Variants in CALML5 observed in about 807,000 individuals in gnomAD.
The protein encoded by CALML5 is calmodulin like 5.
For missense variants in CALML5, 207 were observed against 206.6 expected (o/e 1.00, Z -0.01); for synonymous variants, 101 against 96.8 (o/e 1.04, Z -0.25).
rs756782046 is a variant in CALML5, at chr10:5,499,469, C to T, written c.-31G>A. ...CGTCTCCTGCACCTCGCGGAGCCTCCGAGCTGCTGCCCACCGGCCCTCAAC... is the reference window on the plus strand; with the variant it reads ...CGTCTCCTGCACCTCGCGGAGCCTCTGAGCTGCTGCCCACCGGCCCTCAAC... On this transcript the variant is annotated 5_prime_UTR_variant, in exon 1 of 1. Coordinates refer to ENST00000380332, the MANE Select transcript of CALML5 (RefSeq NM_017422.5). 1.3e-6 allele frequency: 2 copies of T among 1,577,840 alleles called. No individual in the cohort carries two copies. The highest frequency in any genetic ancestry group is 1.4e-5 in the African/African-American group (1 of 73,888).
Position 5,498,997 on chromosome 10 carries a change from C to G in CALML5, c.*1G>C. 1 of 1,536,524 alleles carries G rather than the reference C, an allele frequency of 6.5e-7. No individual in the cohort carries two copies. On this transcript the variant is annotated 3_prime_UTR_variant, in exon 1 of 1. Transcript: ENST00000380332. ...AGCCAGGGGGACACAGGCGGGGAGC[C>G]TCACTCCTGGGCGAGCATCCTCGCG... is the stretch of plus-strand genomic sequence containing the variant.
Position 5,498,909 on chromosome 10 carries a change from G to T in CALML5, c.*89C>A. The T allele has an allele frequency of 1.7e-6, 2 of 1,146,720 alleles. No individual in the cohort carries two copies. Among genetic ancestry groups the T allele is most frequent in the Non-Finnish European group, 2.4e-6 (2 of 834,162 alleles). The allele number at this position is 1,146,720 out of a possible 1,614,324, so 71.0% of individuals were successfully genotyped here. A position where few individuals can be genotyped will look rare whatever the true frequency, so the allele number is the denominator to read the frequency against. On this transcript the variant is annotated 3_prime_UTR_variant, in exon 1 of 1. Transcript: ENST00000380332. ...AGGCAGTTTCCCATCCACCGACCAGGTTTCCCCGGAGAGTCCCAGCACAAA... is the reference window on the plus strand; with the variant it reads ...AGGCAGTTTCCCATCCACCGACCAGTTTTCCCCGGAGAGTCCCAGCACAAA...
chr10:5,498,990 G>A lies in CALML5; in HGVS notation c.*8C>T. On this transcript the variant is annotated 3_prime_UTR_variant, in exon 1 of 1. Transcript: ENST00000380332. ...AGAGCGCAGCCAGGGGGACACAGGC[G>A]GGGAGCCTCACTCCTGGGCGAGCAT... The A allele has an allele frequency of 1.3e-6, 2 of 1,529,140 alleles. No individual in the cohort carries two copies. The highest frequency in any genetic ancestry group is 1.8e-6 in the Non-Finnish European group (2 of 1,138,424). The allele number at this position is 1,529,140 out of a possible 1,614,324, so 94.7% of individuals were successfully genotyped here.
At position 5,499,411 on chromosome 10, in the gene CALML5, C is replaced by G. The variant is rs889927546; in HGVS notation, c.28G>C (p.Glu10Gln). The G allele has an allele frequency of 3.1e-6, 5 of 1,613,804 alleles. No individual in the cohort carries two copies. Among genetic ancestry groups the G allele is most frequent in the Non-Finnish European group, 4.2e-6 (5 of 1,179,822 alleles). The change falls in exon 1 of 1, where the codon GAG (glutamate) becomes CAG (glutamine). Residue 10 changes from glutamate (E) to glutamine (Q), a missense_variant. By Grantham distance (29) the Glu-to-Gln change is conservative. Coordinates refer to ENST00000380332, the MANE Select transcript of CALML5 (RefSeq NM_017422.5). The part of the protein sequence containing the change: MAGELTPEE[E>Q]AQYKKAFSAV... ...GAGAAAGCCTTTTTGTACTGGGCCT[C>G]CTCCTCAGGAGTCAGCTCACCGGCC...
In CALML5 at chr10:5,499,528, G is replaced by C. The variant is rs1353675413; in HGVS notation, c.-90C>G. ...CTCAGAGCTCGTGGTCCAGAGTGCA[G>C]GCAGCCGCAGGGATCCGGGCAGCGT... On this transcript the variant is annotated 5_prime_UTR_variant, in exon 1 of 1. Transcript: ENST00000380332. 5 of 1,106,950 alleles carry C rather than the reference G, an allele frequency of 4.5e-6. No homozygotes were observed. In the East Asian group the frequency reaches 9.6e-5, roughly 21 times the overall value. 68.6% of individuals were successfully genotyped at this position (1,106,950 alleles called of 1,614,324 possible).
rs1564480047 is a variant in CALML5 at position 5,499,171 on chromosome 10, A to C, written c.268T>G (p.Phe90Val). Residue 90 changes from phenylalanine to valine, a missense_variant, in exon 1 of 1, where the codon TTC (phenylalanine) becomes GTC (valine). Physicochemically the swap from Phe to Val is conservative, Grantham distance 50 (BLOSUM62 -1). Coordinates refer to ENST00000380332, the MANE Select transcript of CALML5 (RefSeq NM_017422.5). ...ATGTGGCCGTCGCCATCCTGGTCGAAGGCGCGGAAGGCGACCTGCAGGTCC... is the reference window on the plus strand; with the variant it reads ...ATGTGGCCGTCGCCATCCTGGTCGACGGCGCGGAAGGCGACCTGCAGGTCC... ...LEDLQVAFRA[F>V]DQDGDGHITV... is the part of the protein sequence containing the mutation. 6.2e-7 allele frequency: 1 copy of C among 1,609,212 alleles called. No individual in the cohort carries two copies. Among genetic ancestry groups the C allele is most frequent in the Non-Finnish European group, 8.5e-7 (1 of 1,179,842 alleles).
In CALML5 at chr10:5,499,153, C is replaced by T; in HGVS notation, c.286G>A (p.Gly96Ser). ...CTGAGCTCGTCCACGGTGATGTGGC[C>T]GTCGCCATCCTGGTCGAAGGCGCGG... ...AFRAFDQDGD[G>S]HITVDELRRA... Residue 96 changes from glycine (G) to serine (S), a missense_variant, in exon 1 of 1, where the codon GGC (glycine) becomes AGC (serine). Coordinates refer to ENST00000380332, the MANE Select transcript of CALML5 (RefSeq NM_017422.5). 2 of 1,606,238 alleles carry T rather than the reference C, an allele frequency of 1.2e-6. No homozygotes were observed. Among genetic ancestry groups the T allele is most frequent in the East Asian group, 2.2e-5 (1 of 44,858 alleles).
Position 5,498,896 on chromosome 10 carries a change from A to G in CALML5, c.*102T>C, listed in dbSNP as rs898301998. 2 of 1,049,586 alleles carry G rather than the reference A, an allele frequency of 1.9e-6. No homozygotes were observed. The highest frequency in any genetic ancestry group is 2.7e-6 in the Non-Finnish European group (2 of 748,154). The allele number at this position is 1,049,586 out of a possible 1,614,324, so 65.0% of individuals were successfully genotyped here. On this transcript the variant is annotated 3_prime_UTR_variant, in exon 1 of 1. Transcript: ENST00000380332. ...TCCTCCCAGGGGGAGGCAGTTTCCC[A>G]TCCACCGACCAGGTTTCCCCGGAGA...
chr10:5,499,253 G>C lies in CALML5; in HGVS notation c.186C>G (p.Gly62=). ...TCAGGAACTCCTGGAAGCTGATTTC[G>C]CCGTCGCCGTCGCTGTCAACCTCGG... ...LISEVDSDGD[G]EISFQEFLTA... The change falls in exon 1 of 1, where the codon GGC becomes GGG. Residue 62 remains glycine (G), a synonymous_variant. Coordinates refer to ENST00000380332, the MANE Select transcript of CALML5 (RefSeq NM_017422.5). The C allele has an allele frequency of 6.2e-7, 1 of 1,613,696 alleles. No individual in the cohort carries two copies. Among genetic ancestry groups the C allele is most frequent in the Non-Finnish European group, 8.5e-7 (1 of 1,179,890 alleles).
rs528194668 is a variant in CALML5, at chr10:5,499,433, G to A, written c.6C>T (p.Ala2=). The stretch of plus-strand genomic sequence containing the variant: ...CCTCCTCCTCAGGAGTCAGCTCACC[G>A]GCCATGCCTGCGTCTCCTGCACCTC... The part of the protein sequence containing the change: M[A]GELTPEEEAQ... The change falls in exon 1 of 1, where the codon GCC becomes GCT. Residue 2 remains alanine, a synonymous_variant. Transcript: ENST00000380332. 1.4e-5 allele frequency: 22 copies of A among 1,610,278 alleles called. No individual in the cohort carries two copies. The highest frequency in any genetic ancestry group is 2.7e-5 in the African/African-American group (2 of 74,950).
Position 5,499,497 on chromosome 10 carries a change from G to A in CALML5, c.-59C>T. ...GCTGCTGCCCACCGGCCCTCAACCT[G>A]CTGCTCTCAGAGCTCGTGGTCCAGA... On this transcript the variant is annotated 5_prime_UTR_variant, in exon 1 of 1. Coordinates refer to ENST00000380332, the MANE Select transcript of CALML5 (RefSeq NM_017422.5). 1.4e-6 allele frequency: 2 copies of A among 1,456,368 alleles called. No homozygotes were observed. Among genetic ancestry groups the A allele is most frequent in the Non-Finnish European group, 9.5e-7 (1 of 1,056,586 alleles). 90.2% of individuals were successfully genotyped at this position (1,456,368 alleles called of 1,614,324 possible). A position where few individuals can be genotyped will look rare whatever the true frequency, so the allele number is the denominator to read the frequency against.
In CALML5 at chr10:5,499,330, G is replaced by C; in HGVS notation, c.109C>G (p.Leu37Val). Reference sequence around the variant, plus strand: ...GAGAGGTTCTTGCCCGTGGCCTTCAGCGCCGCGCCCAGCTCCTGGGCATTG... The same window carrying C: ...GAGAGGTTCTTGCCCGTGGCCTTCACCGCCGCGCCCAGCTCCTGGGCATTG... ...TINAQELGAA[L>V]KATGKNLSEA... The change falls in exon 1 of 1, where the codon CTG becomes GTG. Residue 37 changes from leucine to valine, a missense_variant. Transcript: ENST00000380332. The C allele has an allele frequency of 6.2e-7, 1 of 1,614,166 alleles. No homozygotes were observed. The highest frequency in any genetic ancestry group is 8.5e-7 in the Non-Finnish European group (1 of 1,180,002).
In CALML5 at chr10:5,499,036, T is replaced by C. The variant is rs1833272711; in HGVS notation, c.403A>G (p.Asn135Asp). The part of the protein sequence containing the change: ...EADVDQDGRV[N>D]YEEFARMLAQ... ...AGCATCCTCGCGAACTCCTCGTAGT[T>C]CACCCGCCCGTCCTGGTCCACGTCG... The change falls in exon 1 of 1, where the codon AAC becomes GAC. Residue 135 changes from asparagine (N) to aspartate (D), a missense_variant. By Grantham distance (23) the Asn-to-Asp change is conservative. Coordinates refer to ENST00000380332, the MANE Select transcript of CALML5 (RefSeq NM_017422.5). 2 of 1,589,492 alleles carry C rather than the reference T, an allele frequency of 1.3e-6. No individual in the cohort carries two copies. Among genetic ancestry groups the C allele is most frequent in the South Asian group, 1.1e-5 (1 of 88,690 alleles).
In CALML5 at chr10:5,499,320, G is replaced by C; in HGVS notation, c.119C>G (p.Thr40Arg). Reference sequence around the variant, plus strand: ...CTGGGCCTCCGAGAGGTTCTTGCCCGTGGCCTTCAGCGCCGCGCCCAGCTC... The same window carrying C: ...CTGGGCCTCCGAGAGGTTCTTGCCCCTGGCCTTCAGCGCCGCGCCCAGCTC... ...AQELGAALKATGKNLSEAQLR... is the reference protein window; with the variant it reads ...AQELGAALKARGKNLSEAQLR... The change falls in exon 1 of 1, where the codon ACG (threonine) becomes AGG (arginine). Residue 40 changes from threonine to arginine, a missense_variant. Physicochemically the swap from Thr to Arg is moderately conservative, Grantham distance 71. Coordinates refer to ENST00000380332, the MANE Select transcript of CALML5 (RefSeq NM_017422.5). 6.2e-7 allele frequency: 1 copy of C among 1,614,102 alleles called. No individual in the cohort carries two copies. The highest frequency in any genetic ancestry group is 1.3e-5 in the African/African-American group (1 of 75,064).
chr10:5,499,292 T>C lies in CALML5; in HGVS notation c.147A>G (p.Leu49=), dbSNP rs1465102519. Reference sequence around the variant, plus strand: ...TGTCAACCTCGGAGATGAGTTTCCTTAGCTGGGCCTCCGAGAGGTTCTTGC... The same window carrying C: ...TGTCAACCTCGGAGATGAGTTTCCTCAGCTGGGCCTCCGAGAGGTTCTTGC... ...ATGKNLSEAQ[L]RKLISEVDSD... is the part of the protein sequence containing the mutation. The change falls in exon 1 of 1, where the codon CTA becomes CTG. Residue 49 remains leucine (L), a synonymous_variant. Transcript: ENST00000380332. 7 of 1,613,906 alleles carry C rather than the reference T, an allele frequency of 4.3e-6. No homozygotes were observed. Among genetic ancestry groups the C allele is most frequent in the Non-Finnish European group, 5.1e-6 (6 of 1,179,964 alleles).
In CALML5 at chr10:5,498,826, A is replaced by C. The variant is rs1365996402; in HGVS notation, c.*172T>G. 4.9e-6 allele frequency: 3 copies of C among 617,318 alleles called. No homozygotes were observed. Among genetic ancestry groups the C allele is most frequent in the Admixed American group, 6.2e-5 (2 of 32,260 alleles). 38.2% of individuals were successfully genotyped at this position (617,318 alleles called of 1,614,324 possible). A position where few individuals can be genotyped will look rare whatever the true frequency, so the allele number is the denominator to read the frequency against. On this transcript the variant is annotated 3_prime_UTR_variant, in exon 1 of 1. Coordinates refer to ENST00000380332, the MANE Select transcript of CALML5 (RefSeq NM_017422.5). ...GGTCTGGAGGCAGAGAGGGGCTCGC[A>C]GGCGGCCCGAGGGCGCCGCATCCAG...
Position 5,499,204 on chromosome 10 carries a change from C to T in CALML5, c.235G>A (p.Gly79Ser), listed in dbSNP as rs765531522. Residue 79 changes from glycine (G) to serine (S), a missense_variant, in exon 1 of 1, where the codon GGC becomes AGC. Coordinates refer to ENST00000380332, the MANE Select transcript of CALML5 (RefSeq NM_017422.5). ...AAGGCGACCTGCAGGTCCTCCAGGCCGGCCCTGGCCTTCTTCGCCGCCGTC... is the reference window on the plus strand; with the variant it reads ...AAGGCGACCTGCAGGTCCTCCAGGCTGGCCCTGGCCTTCTTCGCCGCCGTC... ...FLTAAKKARAGLEDLQVAFRA... is the reference protein window; with the variant it reads ...FLTAAKKARASLEDLQVAFRA... 5.0e-6 allele frequency: 8 copies of T among 1,612,456 alleles called. No individual in the cohort carries two copies. Among genetic ancestry groups the T allele is most frequent in the Non-Finnish European group, 6.8e-6 (8 of 1,179,830 alleles).
In CALML5 at chr10:5,499,255, C is replaced by T. The variant is rs778879510; in HGVS notation, c.184G>A (p.Gly62Ser). ...AGGAACTCCTGGAAGCTGATTTCGC[C>T]GTCGCCGTCGCTGTCAACCTCGGAG... ...LISEVDSDGD[G>S]EISFQEFLTA... is the part of the protein sequence containing the mutation. The change falls in exon 1 of 1, where the codon GGC becomes AGC. Residue 62 changes from glycine (G) to serine (S), a missense_variant. Gly to Ser is a moderately conservative substitution (Grantham distance 56, BLOSUM62 0). Transcript: ENST00000380332. 3.7e-6 allele frequency: 6 copies of T among 1,613,794 alleles called. No homozygotes were observed. Among genetic ancestry groups the T allele is most frequent in the South Asian group, 3.3e-5 (3 of 91,070 alleles).
In CALML5 at chr10:5,499,025, C is replaced by A; in HGVS notation, c.414G>T (p.Glu138Asp). 6.3e-7 allele frequency: 1 copy of A among 1,579,822 alleles called. No individual in the cohort carries two copies. Among genetic ancestry groups the A allele is most frequent in the Non-Finnish European group, 8.6e-7 (1 of 1,166,702 alleles). ...VDQDGRVNYE[E>D]FARMLAQE Reference sequence around the variant, plus strand: ...ACTCCTGGGCGAGCATCCTCGCGAACTCCTCGTAGTTCACCCGCCCGTCCT... The same window carrying A: ...ACTCCTGGGCGAGCATCCTCGCGAAATCCTCGTAGTTCACCCGCCCGTCCT... Residue 138 changes from glutamate to aspartate, a missense_variant, in exon 1 of 1, where the codon GAG becomes GAT. By Grantham distance (45) the Glu-to-Asp change is conservative (BLOSUM62 2). Coordinates refer to ENST00000380332, the MANE Select transcript of CALML5 (RefSeq NM_017422.5).
Sources: gnomAD v4.1 joint callset for allele counts on GRCh38, gnomAD v4.1.1 for gene constraint, MANE v1.5 for transcripts, NCBI Gene and HGNC (gene_info 2026-07-23, HGNC 2026-07-21) for gene names.